Variants in PHYKPL observed in about 807,000 individuals in gnomAD.
The protein encoded by PHYKPL is 5-phosphonooxy-L-lysine phospho-lyase.
In PHYKPL, 42 loss-of-function variants were observed where a neutral mutation model predicts 51.3. The ratio of observed to expected loss-of-function variants is 0.82; its 90% CI spans 0.64 to 1.06. The LOEUF (loss-of-function observed/expected upper bound fraction) is 1.06, where lower values mean the gene tolerates loss of function less well. Among genes scored for constraint, PHYKPL ranks in the 50% least tolerant of loss-of-function variants. The pLI is 0.00. For synonymous variants in PHYKPL, 264 were observed against 236.0 expected, an observed-to-expected ratio of 1.12 and a Z score of -1.09; for missense variants, 655 against 586.6, an observed-to-expected ratio of 1.12 and a Z score of -1.20.
At chr5:178,218,070 A>C (rs954159264) in intron 8 of PHYKPL, among the ~76,000 whole-genome samples, 6 of 112,694 alleles carry the variant, frequency 5.3e-5, no homozygotes, top group African/African-American at 2.4e-4. Flanking sequence ...TACAAAAATT[A>C]GCCGGGCGTG....
At chr5:178,210,028 G>C in intron 12 of PHYKPL, 1 of 1,515,058 alleles carries the variant, frequency 6.6e-7, no homozygotes, top group Non-Finnish European at 8.9e-7. Context: ...TTCTGCCTGA[G>C]TTGCCACAGT....
intron 4 of PHYKPL, 123 bp from the exon 5 acceptor site, chr5:178,224,852 C>A: frequency 1.4e-6 from 1 of 701,870 alleles, no homozygotes; most frequent in Non-Finnish European, 2.4e-6. Context: ...ACAGAGCCCC[C>A]AAGTTCTTGG....
chr5:178,230,053 G>C lies in PHYKPL; in HGVS notation c.225C>G (p.Asn75Lys). The C allele has an allele frequency of 6.2e-7, 1 of 1,614,214 alleles. No homozygotes were observed. Among genetic ancestry groups the C allele is most frequent in the Non-Finnish European group, 8.5e-7 (1 of 1,180,034 alleles). The change falls in exon 3 of 13, where the codon AAC becomes AAG. Residue 75 changes from asparagine (N) to lysine (K), a missense_variant. Coordinates refer to ENST00000308158, the MANE Select transcript of PHYKPL (RefSeq NM_153373.4). ...ACCGGCTGTTGGTGTTGAGCACCTG[G>C]TTCTGCTCATGTGCTGCTTGGACCA... ...PLVVQAAHEQ[N>K]QVLNTNSRYL...
intron 12 of PHYKPL, chr5:178,211,002 G>A: frequency 4.5e-6 from 1 of 221,170 alleles, no homozygotes; most frequent in Non-Finnish European, 8.9e-6. Flanking sequence ...TATATTATTT[G>A]CGTCATACAT....
intron 1 of PHYKPL, 41 bp from the exon 2 acceptor site, chr5:178,231,564 C>A (rs1464373921): frequency 1.2e-6 from 2 of 1,613,708 alleles, no homozygotes; most frequent in African/African-American, 2.7e-5. Context: ...TGTCTGAAGA[C>A]CGAAAGGGTG....
intron 8 of PHYKPL, among the ~76,000 whole-genome samples, chr5:178,218,133 C>T (rs547125787): frequency 9.3e-6 from 1 of 107,708 alleles, no homozygotes; most frequent in South Asian, 3.4e-4. Context: ...AGGAGAATGG[C>T]ATGAACCCGG....
intron 6 of PHYKPL, chr5:178,223,896 C>T (rs36032280): frequency 0.048 from 9,108 of 189,880 alleles, 285 homozygotes; most frequent in Admixed American, 0.098. Context: ...GGCCACTTCA[C>T]GGTCACCTGA....
At chr5:178,231,813 A>C (rs898992589) in intron 1 of PHYKPL, 1 of 1,384,388 alleles carries the variant, frequency 7.2e-7, no homozygotes, top group East Asian at 4.1e-5. Flanking sequence ...AGTCTCCCGG[A>C]TCCTGAGAAA....
chr5:178,227,066 C>A (rs779019529), intron 3 of PHYKPL, among the ~76,000 whole-genome samples: 1 of 151,986 alleles, frequency 6.6e-6, no homozygotes, highest in Non-Finnish European at 1.5e-5. Flanking sequence ...TGAGCTGCAC[C>A]CCCCCACCCC....
At chr5:178,217,859 GA>G (rs1198909852) in intron 8 of PHYKPL, among the ~76,000 whole-genome samples, 223 of 90,874 alleles carry the variant, frequency 2.5e-3, no homozygotes, top group East Asian at 3.5e-3. Context: ...CTCCGTCTCA[GA>G]AAAAAAAAAA....
In PHYKPL at chr5:178,210,865, C is replaced by T. The variant is rs1238666502; in HGVS notation, c.*31+1025G>A. 4 of 552,474 alleles carry T rather than the reference C, an allele frequency of 7.2e-6. No homozygotes were observed. In the East Asian group the frequency reaches 1.2e-4, roughly 17 times the overall value. The allele number at this position is 552,474 out of a possible 1,614,324, so 34.2% of individuals were successfully genotyped here. ...CATGGGCTGATTTTTATTACCAGGT[C>T]CCCCAGAAGCAGGTGGGAGGCTCTG... is the stretch of plus-strand genomic sequence containing the variant. On this transcript the variant is annotated intron_variant, in intron 12 of 12. Transcript: ENST00000308158.
intron 1 of PHYKPL, 182 bp downstream of exon 1, chr5:178,232,310 A>C: frequency 7.9e-7 from 1 of 1,262,052 alleles, no homozygotes; most frequent in Non-Finnish European, 9.9e-7. Context: ...GGACTGCCCA[A>C]CGGCGCCGCC....
chr5:178,212,513 T>C (rs1758768312), intron 11 of PHYKPL, among the ~76,000 whole-genome samples: 1 of 152,158 alleles, frequency 6.6e-6, no homozygotes, highest in African/African-American at 2.4e-5. Context: ...ATGGGGAATG[T>C]GGGGTAGAGT....
At position 178,222,374 on chromosome 5, in the gene PHYKPL, C is replaced by T. The variant is rs746702673; in HGVS notation, c.908G>A (p.Gly303Asp). The stretch of plus-strand genomic sequence containing the variant: ...ACTCACCGTGTTGAAGTACTCAACG[C>T]CGGTGGCTTCAAATGCCCTCGCCAC... Reference protein sequence around the residue: ...QPVARAFEATGVEYFNTFGGS... With the variant: ...QPVARAFEATDVEYFNTFGGS... The change falls in exon 8 of 13, where the codon GGC becomes GAC. Residue 303 changes from glycine (G) to aspartate (D), a missense_variant. Transcript: ENST00000308158. 1 of 1,613,330 alleles carries T rather than the reference C, an allele frequency of 6.2e-7. No individual in the cohort carries two copies. Among genetic ancestry groups the T allele is most frequent in the Non-Finnish European group, 8.5e-7 (1 of 1,179,420 alleles).
chr5:178,229,437 C>T (rs1005888150), intron 3 of PHYKPL, among the ~76,000 whole-genome samples: 1 of 152,144 alleles, frequency 6.6e-6, no homozygotes, highest in African/African-American at 2.4e-5. Flanking sequence ...AGTGGCAGCA[C>T]CCTTCCTTCC....
At chr5:178,228,764 G>A (rs749819443) in intron 3 of PHYKPL, among the ~76,000 whole-genome samples, 2 of 152,166 alleles carry the variant, frequency 1.3e-5, no homozygotes, top group Non-Finnish European at 2.9e-5. Flanking sequence ...CTCCACTGCC[G>A]ATCCTAGTGT....
intron 12 of PHYKPL, chr5:178,209,463 A>G: frequency 6.2e-7 from 1 of 1,603,820 alleles, no homozygotes; most frequent in Non-Finnish European, 8.5e-7. Context: ...TGGAACGTGG[A>G]TGAAGATAGG....
At chr5:178,220,721 CA>C (rs751171063) in intron 8 of PHYKPL, among the ~76,000 whole-genome samples, 2,124 of 46,620 alleles carry the variant, frequency 0.046, 15 homozygotes, top group Non-Finnish European at 0.063. Context: ...TTCATAATTG[CA>C]AAAAAAAAAA....
intron 4 of PHYKPL, chr5:178,224,997 C>G (rs10037029): frequency 0.076 from 43,225 of 566,522 alleles, 1,964 homozygotes; most frequent in Admixed American, 0.13. Context: ...TTTCCTCCTT[C>G]TGGTTTATAA....
Sources: gnomAD v4.1 joint callset for allele counts (sites outside exome capture counted in the v4.1 genomes callset) on GRCh38, gnomAD v4.1.1 for gene constraint, MANE v1.5 for transcripts, NCBI Gene and HGNC (gene_info 2026-07-23, HGNC 2026-07-21) for gene names.